The following CAMTA1 variants were observed in gnomAD, a reference collection of about 807,000 sequenced individuals.
The protein encoded by CAMTA1 is calmodulin-binding transcription activator 1.
CAMTA1 carries 27 observed loss-of-function variants against 170.9 expected under a neutral mutation model. That is an observed-to-expected ratio of 0.16 (90% confidence interval 0.12 to 0.22). The LOEUF (loss-of-function observed/expected upper bound fraction) is 0.22. CAMTA1 is among the 10% of genes least tolerant of loss of function. The probability of loss-of-function intolerance (pLI) is 1.00; values close to 1 mark genes in which losing one functional copy is unlikely to be tolerated. For synonymous variants in CAMTA1, 833 were observed against 891.5 expected (o/e 0.93, Z 1.17); for missense variants, 1,619 against 2,217.2 (o/e 0.73, Z 5.42).
At chr1:7,544,152 T>G (rs112017663) in intron 6 of CAMTA1, among the ~76,000 whole-genome samples, 414 of 152,326 alleles carry the variant, frequency 2.7e-3, no homozygotes, top group Non-Finnish European at 4.7e-3. Context: ...TCCACATGGC[T>G]GGGGAGGCCT....
chr1:7,316,014 C>T (rs1183199885), intron 5 of CAMTA1, among the ~76,000 whole-genome samples: 1 of 152,200 alleles, frequency 6.6e-6, no homozygotes, highest in African/African-American at 2.4e-5. Flanking sequence ...GAGAAGCAAG[C>T]TTGGACCTTC....
intron 5 of CAMTA1, among the ~76,000 whole-genome samples, chr1:7,385,156 C>T (rs1255861332): frequency 6.7e-6 from 1 of 148,678 alleles, no homozygotes; most frequent in East Asian, 2.0e-4. Flanking sequence ...GTGGCGTGAT[C>T]TCGGCTCACT....
chr1:7,657,774 C>T (rs1037604656), intron 7 of CAMTA1, among the ~76,000 whole-genome samples: 1 of 152,198 alleles, frequency 6.6e-6, no homozygotes. Context: ...CACCCACCCC[C>T]AACACCAGAG....
At position 6,925,928 on chromosome 1, in the gene CAMTA1, T is replaced by C. The variant is rs531466226; in HGVS notation, c.234+100718T>C. Among the ~76,000 whole-genome samples, 170 of 152,218 alleles carry C rather than the reference T, an allele frequency of 1.1e-3. 1 individual carries two copies. The Middle Eastern group carries it at 0.014, about 12-fold the overall frequency. ...GCCTCCTCCCCCTCCCGGCTCCAGC[T>C]GTAACCCTGAGGACCTGACTTCCTC... is the stretch of plus-strand genomic sequence containing the variant. On this transcript the variant is annotated intron_variant, in intron 3 of 22. Transcript: ENST00000303635.
intron 3 of CAMTA1, among the ~76,000 whole-genome samples, chr1:6,881,708 CTG>C (rs1445192736): frequency 1.3e-5 from 2 of 152,178 alleles, no homozygotes; most frequent in African/African-American, 4.8e-5. Flanking sequence ...TGGCTCACGT[CTG>C]TAACCCCAGC....
intron 6 of CAMTA1, among the ~76,000 whole-genome samples, chr1:7,500,751 G>T (rs2149797592): frequency 6.6e-6 from 1 of 152,260 alleles, no homozygotes; most frequent in Non-Finnish European, 1.5e-5. Flanking sequence ...GTGTTCCCTT[G>T]CCTCAGAGTC....
At chr1:7,416,002 T>A (rs2091141253) in intron 5 of CAMTA1, among the ~76,000 whole-genome samples, 1 of 152,230 alleles carries the variant, frequency 6.6e-6, no homozygotes, top group Non-Finnish European at 1.5e-5. Flanking sequence ...AGTACTTTAT[T>A]TCTCCTTCAC....
chr1:7,548,010 G>T (rs80206224), intron 6 of CAMTA1, among the ~76,000 whole-genome samples: 6,887 of 152,230 alleles, frequency 0.045, 487 homozygotes, highest in African/African-American at 0.16. Context: ...GGACAGGAAG[G>T]GTTCCTGCCA....
chr1:7,652,530 G>C (rs2095854523), intron 7 of CAMTA1, among the ~76,000 whole-genome samples: 1 of 152,172 alleles, frequency 6.6e-6, no homozygotes, highest in Admixed American at 6.5e-5. Flanking sequence ...AGCAAGGCCT[G>C]GCCCCTCTGA....
chr1:7,204,307 T>C (rs1657270810), intron 4 of CAMTA1, among the ~76,000 whole-genome samples: 1 of 152,184 alleles, frequency 6.6e-6, no homozygotes, highest in Admixed American at 6.5e-5. Context: ...TGAGTTCCTT[T>C]AATATTTTTG....
At position 7,499,258 on chromosome 1, in the gene CAMTA1, TGA is replaced by T. The variant is rs1557821985; in HGVS notation, c.510+31359_510+31360del. ...GTGTGTGTGCATGTGTGTACATGAG[TGA>T]GTGTGTAGAGAGGATGGTGTGAGCC... On this transcript the variant is annotated intron_variant, in intron 6 of 22. Coordinates refer to ENST00000303635, the MANE Select transcript of CAMTA1 (RefSeq NM_015215.4). Among the ~76,000 whole-genome samples the T allele has an allele frequency of 5.7e-4, 27 of 47,170 alleles. 3 individuals are homozygous for T. Among genetic ancestry groups the T allele is most frequent in the African/African-American group, 2.3e-3 (18 of 7,906 alleles). The allele number at this position is 47,170 out of a possible 152,430, so 30.9% of individuals were successfully genotyped here.
chr1:7,103,445 GCA>G (rs1208907121), intron 4 of CAMTA1, among the ~76,000 whole-genome samples: 71 of 129,946 alleles, frequency 5.5e-4, no homozygotes, highest in African/African-American at 1.5e-3. Context: ...CTACACACAT[GCA>G]CACACAACTA....
At chr1:7,360,323 G>A (rs184277762) in intron 5 of CAMTA1, among the ~76,000 whole-genome samples, 14 of 152,284 alleles carry the variant, frequency 9.2e-5, no homozygotes, top group Non-Finnish European at 1.9e-4. Context: ...CTCAGCCCTG[G>A]GGCAGGTTCT....
intron 3 of CAMTA1, among the ~76,000 whole-genome samples, chr1:7,048,125 G>T (rs556179501): frequency 6.6e-6 from 1 of 152,118 alleles, no homozygotes; most frequent in African/African-American, 2.4e-5. Flanking sequence ...GGATTTCAGC[G>T]GGGAGGGTGG....
chr1:7,625,551 A>T (rs1489884931), intron 6 of CAMTA1, among the ~76,000 whole-genome samples: 1 of 152,234 alleles, frequency 6.6e-6, no homozygotes, highest in African/African-American at 2.4e-5. Flanking sequence ...CCCTGCTAGC[A>T]CAGATGCCCA....
intron 4 of CAMTA1, among the ~76,000 whole-genome samples, chr1:7,117,705 A>G (rs2148430950): frequency 6.6e-6 from 1 of 152,244 alleles, no homozygotes; most frequent in East Asian, 1.9e-4. Flanking sequence ...GCAACTCCTT[A>G]AAGACCAGTT....
At chr1:7,200,166 T>TG (rs1177288385) in intron 4 of CAMTA1, among the ~76,000 whole-genome samples, 2 of 152,200 alleles carry the variant, frequency 1.3e-5, no homozygotes, top group Non-Finnish European at 2.9e-5. Context: ...TCTGTGTATG[T>TG]GGGTGTGTGT....
At chr1:7,039,421 A>G (rs1270231556) in intron 3 of CAMTA1, among the ~76,000 whole-genome samples, 1 of 152,188 alleles carries the variant, frequency 6.6e-6, no homozygotes, top group Non-Finnish European at 1.5e-5. Flanking sequence ...GTTGTCCTTA[A>G]TTAAGTCTGG....
intron 6 of CAMTA1, among the ~76,000 whole-genome samples, chr1:7,543,561 A>G (rs1006747576): frequency 7.2e-5 from 11 of 152,254 alleles, no homozygotes; most frequent in African/African-American, 2.7e-4. Flanking sequence ...CAGTTCCCGA[A>G]CGCTGAAAAT....
Sources: allele counts gnomAD v4.1 joint callset (sites outside exome capture counted in the v4.1 genomes callset), GRCh38; gene constraint gnomAD v4.1.1; transcripts MANE v1.5; gene names NCBI Gene and HGNC (gene_info 2026-07-23, HGNC 2026-07-21).